Variants in DISP1 observed in about 807,000 individuals in gnomAD.
DISP1 encodes protein dispatched homolog 1.
In DISP1, 30 loss-of-function variants were observed where a neutral mutation model predicts 37.3. The ratio of observed to expected loss-of-function variants is 0.80; its 90% CI spans 0.60 to 1.09. The LOEUF is 1.09. Ranked by LOEUF, DISP1 falls within the 50% of genes least tolerant of loss-of-function variation. The probability of loss-of-function intolerance (pLI) is 0.00; values close to 1 mark genes in which losing one functional copy is unlikely to be tolerated. For missense variants in DISP1, 1,598 were observed against 1,879.5 expected (o/e 0.85, Z 2.77); for synonymous variants, 634 against 690.2 (o/e 0.92, Z 1.28).
rs191220315 is a variant in DISP1, at chr1:222,852,146, C to T, written c.-159+37068C>T. On this transcript the variant is annotated intron_variant, in intron 1 of 8. Transcript: ENST00000675850. ...TGGTGGTGAGCCGAGATCGCGCCAT[C>T]GCACTCCAGCCTGGGAAGGAAAACT... Among the ~76,000 whole-genome samples the T allele has an allele frequency of 7.2e-3, 1,092 of 151,744 alleles. 4 individuals carry two copies. The highest frequency in any genetic ancestry group is 0.011 in the Non-Finnish European group (720 of 67,930).
chr1:222,951,450 A>C (rs920830452), intron 3 of DISP1, among the ~76,000 whole-genome samples: 1 of 152,002 alleles, frequency 6.6e-6, no homozygotes, highest in Non-Finnish European at 1.5e-5. Flanking sequence ...GTTTATTGGC[A>C]TGTGCTGTAC....
At chr1:222,973,192 C>T (rs1445165018) in intron 3 of DISP1, among the ~76,000 whole-genome samples, 1 of 152,174 alleles carries the variant, frequency 6.6e-6, no homozygotes, top group African/African-American at 2.4e-5. Flanking sequence ...TAAATGAATA[C>T]ATATGCAATT....
At chr1:222,871,887 C>T (rs61840279) in intron 1 of DISP1, among the ~76,000 whole-genome samples, 3 of 151,424 alleles carry the variant, frequency 2.0e-5, no homozygotes, top group African/African-American at 2.4e-5. Context: ...GGAATACTTC[C>T]AGTTTTTGTC....
intron 1 of DISP1, among the ~76,000 whole-genome samples, chr1:222,916,669 T>G (rs1056119704): frequency 6.6e-6 from 1 of 152,216 alleles, no homozygotes; most frequent in Non-Finnish European, 1.5e-5. Context: ...GTTTTGAGCC[T>G]AACAACACGT....
At chr1:222,817,605 A>G (rs1447011545) in intron 1 of DISP1, among the ~76,000 whole-genome samples, 1 of 152,220 alleles carries the variant, frequency 6.6e-6, no homozygotes, top group African/African-American at 2.4e-5. Context: ...TGTTAACTTA[A>G]GGTCCAGCTG....
intron 1 of DISP1, among the ~76,000 whole-genome samples, chr1:222,860,014 AC>A (rs1187151211): frequency 2.6e-5 from 4 of 152,136 alleles, no homozygotes; most frequent in Non-Finnish European, 5.9e-5. Context: ...TCAGAAGGAA[AC>A]TTTTTTTTCA....
intron 1 of DISP1, among the ~76,000 whole-genome samples, chr1:222,928,119 C>T (rs940538689): frequency 3.9e-5 from 6 of 152,172 alleles, no homozygotes; most frequent in African/African-American, 1.2e-4. Flanking sequence ...TATCAGCTAA[C>T]ATGGCTTTAA....
chr1:222,883,081 A>G (rs1346258627), intron 1 of DISP1, among the ~76,000 whole-genome samples: 1 of 152,160 alleles, frequency 6.6e-6, no homozygotes, highest in African/African-American at 2.4e-5. Flanking sequence ...TGTGTTTTTA[A>G]CTAACATTTT....
At chr1:222,837,430 C>T (rs749860147) in intron 1 of DISP1, 32 of 182,058 alleles carry the variant, frequency 1.8e-4, no homozygotes, top group Non-Finnish European at 1.3e-4. Flanking sequence ...GATTAGTCTG[C>T]CCAGTGGCCT....
At position 223,005,402 on chromosome 1, in the gene DISP1, TC is replaced by T. The variant is rs1064793099; in HGVS notation, c.4008del (p.Cys1337AlafsTer6). ...VHPITHIHHC[P>X]CLQGRVKPAG... ...ACCCCATCACGCACATCCACCACTGTCCCTGCCTGCAGGGCAGAGTAAAGCC... is the reference window on the plus strand; with the variant it reads ...ACCCCATCACGCACATCCACCACTGTCCTGCCTGCAGGGCAGAGTAAAGCC... On this transcript the variant is annotated frameshift_variant, in exon 9 of 9. Transcript: ENST00000675850. LOFTEE classifies it low-confidence loss of function (END_TRUNC). 1.2e-6 allele frequency: 2 copies of T among 1,613,468 alleles called. No individual in the cohort carries two copies. The highest frequency in any genetic ancestry group is 1.3e-5 in the African/African-American group (1 of 75,016).
intron 1 of DISP1, among the ~76,000 whole-genome samples, chr1:222,841,415 A>G (rs1408992818): frequency 1.3e-5 from 2 of 152,192 alleles, no homozygotes; most frequent in African/African-American, 4.8e-5. Flanking sequence ...ACAAGAGGAA[A>G]CTGAGGCACA....
At chr1:222,830,822 T>G (rs188047708) in intron 1 of DISP1, among the ~76,000 whole-genome samples, 1 of 152,326 alleles carries the variant, frequency 6.6e-6, no homozygotes, top group East Asian at 1.9e-4. Flanking sequence ...TAAAATCAAT[T>G]TTTGTGTATG....
Position 222,950,569 on chromosome 1 carries a change from C to T in DISP1, c.509+7237C>T, listed in dbSNP as rs1048201550. Reference sequence around the variant, plus strand: ...GATCTGAGATCGCACCACTGCACTCCGGCCTCGAGGACAGAGCGAGACTCC... The same window carrying T: ...GATCTGAGATCGCACCACTGCACTCTGGCCTCGAGGACAGAGCGAGACTCC... On this transcript the variant is annotated intron_variant, in intron 3 of 8. Transcript: ENST00000675850. Among the ~76,000 whole-genome samples, 13 of 151,662 alleles carry T rather than the reference C, an allele frequency of 8.6e-5. No individual in the cohort carries two copies. The South Asian group carries it at 1.0e-3, about 12-fold the overall frequency.
chr1:222,936,778 CATATATAAT>C (rs1491491132), intron 2 of DISP1, among the ~76,000 whole-genome samples: 1 of 58,782 alleles, frequency 1.7e-5, no homozygotes, highest in African/African-American at 6.8e-5. Context: ...TTATATATAT[CATATATAAT>C]ATATATAATA....
intron 3 of DISP1, among the ~76,000 whole-genome samples, chr1:222,957,315 A>G (rs1427382291): frequency 6.6e-6 from 1 of 152,150 alleles, no homozygotes; most frequent in African/African-American, 2.4e-5. Flanking sequence ...CAGGCCGGGC[A>G]CAGTGGCTCA....
At chr1:222,936,600 TCTCTC>T (rs1673756957) in intron 2 of DISP1, among the ~76,000 whole-genome samples, 4 of 28,526 alleles carry the variant, frequency 1.4e-4, no homozygotes, top group African/African-American at 3.1e-4. Context: ...GAGATATATA[TCTCTC>T]ATATATATGA....
chr1:222,945,269 G>A (rs1472461405), intron 3 of DISP1, among the ~76,000 whole-genome samples: 1 of 151,462 alleles, frequency 6.6e-6, no homozygotes. Context: ...GCTATGATAA[G>A]AAGTTCACCA....
At chr1:222,997,066 ATT>A (rs1471311946) in intron 8 of DISP1, among the ~76,000 whole-genome samples, 3 of 148,528 alleles carry the variant, frequency 2.0e-5, no homozygotes, top group Non-Finnish European at 4.5e-5. Flanking sequence ...ATATATATAT[ATT>A]TGTAAACTAC....
At chr1:222,853,489 C>A (rs1277284605) in intron 1 of DISP1, among the ~76,000 whole-genome samples, 2 of 151,602 alleles carry the variant, frequency 1.3e-5, no homozygotes, top group African/African-American at 4.8e-5. Context: ...ATGGAATCAA[C>A]CCAGGTGTCC....
Sources: gnomAD v4.1 joint callset for allele counts (sites outside exome capture counted in the v4.1 genomes callset) on GRCh38, gnomAD v4.1.1 for gene constraint, MANE v1.5 for transcripts, NCBI Gene and HGNC (gene_info 2026-07-23, HGNC 2026-07-21) for gene names.